Variants in TMED1 observed in about 807,000 individuals in gnomAD.
TMED1 encodes the protein transmembrane emp24 domain-containing protein 1.
TMED1 carries 20 observed loss-of-function variants against 21.2 expected under a neutral mutation model. The ratio of observed to expected loss-of-function variants is 0.95; its 90% CI spans 0.67 to 1.37. TMED1 has a LOEUF of 1.37. Ranked by LOEUF, TMED1 falls within the 40% of genes most tolerant of loss-of-function variation. TMED1 has a pLI of 0.00. For missense variants in TMED1, 316 were observed against 309.8 expected (o/e 1.02, Z -0.15); for synonymous variants, 149 against 134.7 (o/e 1.11, Z -0.74).
At chr19:10,833,647 A>G (rs1380645171) in intron 3 of TMED1, among the ~76,000 whole-genome samples, 2 of 152,170 alleles carry the variant, frequency 1.3e-5, no homozygotes, top group Non-Finnish European at 2.9e-5. Context: ...CCAGCTACTC[A>G]GGAGGCTGAA....
Position 10,834,918 on chromosome 19 carries a change from C to T in TMED1, c.465+16G>A, listed in dbSNP as rs144588450. 909 of 1,609,338 alleles carry T rather than the reference C, an allele frequency of 5.6e-4. 3 individuals are homozygous for T. Among genetic ancestry groups the T allele is most frequent in the Middle Eastern group, 1.3e-3 (8 of 6,050 alleles). ...AGAGATCTGGAAGGAGTGGCCCCAG[C>T]GCAGCCTGGACACACCTTGATGTCC... On this transcript the variant is annotated intron_variant, in intron 3 of 3. Coordinates refer to ENST00000214869, the MANE Select transcript of TMED1 (RefSeq NM_006858.4).
intron 1 of TMED1, 59 bp downstream of exon 1, chr19:10,835,949 AC>A: frequency 6.7e-7 from 1 of 1,498,428 alleles, no homozygotes; most frequent in Non-Finnish European, 8.9e-7. Flanking sequence ...CCTCGCCTCG[AC>A]CGCTTGGCCA....
intron 2 of TMED1, 23 bp downstream of exon 2, chr19:10,835,233 G>A: frequency 6.2e-7 from 1 of 1,613,982 alleles, no homozygotes; most frequent in Middle Eastern, 1.6e-4. Context: ...CTGAACCCAG[G>A]CAGGCATCAA....
At chr19:10,834,115 G>A (rs555009942) in intron 3 of TMED1, among the ~76,000 whole-genome samples, 3 of 152,290 alleles carry the variant, frequency 2.0e-5, no homozygotes, top group Admixed American at 6.5e-5. Flanking sequence ...AGCTGAGATC[G>A]TGCCACTGCA....
chr19:10,835,897 C>G, intron 1 of TMED1, 112 bp downstream of exon 1: 3 of 1,432,518 alleles, frequency 2.1e-6, no homozygotes, highest in Non-Finnish European at 1.8e-6. Context: ...TCCGCCCCCG[C>G]GCTCCCAAGC....
intron 3 of TMED1, 44 bp downstream of exon 3, chr19:10,834,890 C>T (rs746535787): frequency 3.1e-6 from 5 of 1,591,198 alleles, no homozygotes; most frequent in Non-Finnish European, 4.3e-6. Flanking sequence ...CCAGGTGAAT[C>T]CTAGAGATCT....
chr19:10,835,560 C>T, intron 1 of TMED1: 1 of 1,439,938 alleles, frequency 6.9e-7, no homozygotes, highest in Admixed American at 2.7e-5. Flanking sequence ...TCCATACTTT[C>T]AGCTGACCAC....
chr19:10,834,789 A>G (rs2073404946), intron 3 of TMED1, 145 bp downstream of exon 3: 1 of 1,022,124 alleles, frequency 9.8e-7, no homozygotes, highest in Admixed American at 2.3e-5. Context: ...CCTGAAATGA[A>G]CTACTTATTT....
At position 10,832,301 on chromosome 19, in the gene TMED1, C is replaced by T. The variant is rs942440810; in HGVS notation, c.*694G>A. The T allele has an allele frequency of 4.7e-6, 6 of 1,289,608 alleles. No individual in the cohort carries two copies. The highest frequency in any genetic ancestry group is 6.1e-6 in the Non-Finnish European group (6 of 988,850). 79.9% of individuals were successfully genotyped at this position (1,289,608 alleles called of 1,614,324 possible). On this transcript the variant is annotated 3_prime_UTR_variant, in exon 4 of 4. Transcript: ENST00000214869. Reference sequence around the variant, plus strand: ...TTGCTTTCTGATTTTTCTCTTGTGCCAGGCGACCACCTCCATCGGCTCCCG... The same window carrying T: ...TTGCTTTCTGATTTTTCTCTTGTGCTAGGCGACCACCTCCATCGGCTCCCG...
At chr19:10,834,875 G>C (rs1241786376) in intron 3 of TMED1, 59 bp downstream of exon 3, 16 of 1,567,882 alleles carry the variant, frequency 1.0e-5, no homozygotes, top group Non-Finnish European at 1.4e-5. Context: ...CCCAAGGGGG[G>C]CACCCCAGGT....
chr19:10,835,133 CACAGACAT>C lies in TMED1; in HGVS notation c.282-24_282-17del, dbSNP rs2073411343. On this transcript the variant is annotated splice_polypyrimidine_tract_variant and intron_variant, in intron 2 of 3. Transcript: ENST00000214869. ...TGGCTCCACCCTGGGCAGACAGACA[CACAGACAT>C]GACCCAGGGTGGCCAGCCAGCCGAC... The C allele has an allele frequency of 1.2e-6, 2 of 1,611,344 alleles. No individual in the cohort carries two copies. Among genetic ancestry groups the C allele is most frequent in the South Asian group, 2.2e-5 (2 of 90,888 alleles).
intron 3 of TMED1, among the ~76,000 whole-genome samples, chr19:10,834,073 T>C (rs1263033095): frequency 1.3e-5 from 2 of 152,296 alleles, no homozygotes; most frequent in South Asian, 2.1e-4. Flanking sequence ...GGCAGGAGAA[T>C]TGGCTGAACC....
chr19:10,832,816 C>T lies in TMED1; in HGVS notation c.*179G>A. 7.3e-6 allele frequency: 5 copies of T among 681,234 alleles called. No homozygotes were observed. The highest frequency in any genetic ancestry group is 3.8e-5 in the South Asian group (2 of 52,968). The allele number at this position is 681,234 out of a possible 1,614,324, so 42.2% of individuals were successfully genotyped here. On this transcript the variant is annotated 3_prime_UTR_variant, in exon 4 of 4. Transcript: ENST00000214869. ...TGCAGCCACTGAGCCGTCCCTTCTA[C>T]AAGCCAGAGGTGTTCCCTGCCCGCT...
rs1049968955 is a variant in TMED1, at chr19:10,836,028, C to T, written c.164G>A (p.Ser55Asn). 1.3e-6 allele frequency: 2 copies of T among 1,595,356 alleles called. No individual in the cohort carries two copies. The highest frequency in any genetic ancestry group is 8.5e-7 in the Non-Finnish European group (1 of 1,171,608). Residue 55 changes from serine to asparagine, a missense_variant, in exon 1 of 4, where the codon AGC becomes AAC. Physicochemically the swap from Ser to Asn is conservative, Grantham distance 46. Transcript: ENST00000214869. Reference sequence around the variant, plus strand: ...CTCTACCTGGTATTCGGTCTCGAGGCTTGCGTTGGCCGGCGCGGACTGGTA... The same window carrying T: ...CTCTACCTGGTATTCGGTCTCGAGGTTTGCGTTGGCCGGCGCGGACTGGTA... The part of the protein sequence containing the change: ...CFYQSAPANA[S>N]LETEYQVIGG...
In TMED1 at chr19:10,832,348, C is replaced by A; in HGVS notation, c.*647G>T. The A allele has an allele frequency of 7.8e-7, 1 of 1,289,906 alleles. No individual in the cohort carries two copies. Among genetic ancestry groups the A allele is most frequent in the South Asian group, 1.2e-5 (1 of 81,038 alleles). 79.9% of individuals were successfully genotyped at this position (1,289,906 alleles called of 1,614,324 possible). Reference sequence around the variant, plus strand: ...CCCGCACGACCTTTCTTCTGAGCTTCGTGGGAGGCCCCTCCCACCTGTCTG... The same window carrying A: ...CCCGCACGACCTTTCTTCTGAGCTTAGTGGGAGGCCCCTCCCACCTGTCTG... On this transcript the variant is annotated 3_prime_UTR_variant, in exon 4 of 4. Transcript: ENST00000214869.
Position 10,832,349 on chromosome 19 carries a change from G to C in TMED1, c.*646C>G, listed in dbSNP as rs539501846. 7.8e-7 allele frequency: 1 copy of C among 1,289,752 alleles called. No individual in the cohort carries two copies. The highest frequency in any genetic ancestry group is 1.0e-6 in the Non-Finnish European group (1 of 988,930). 79.9% of individuals were successfully genotyped at this position (1,289,752 alleles called of 1,614,324 possible). A position where few individuals can be genotyped will look rare whatever the true frequency, so the allele number is the denominator to read the frequency against. On this transcript the variant is annotated 3_prime_UTR_variant, in exon 4 of 4. Coordinates refer to ENST00000214869, the MANE Select transcript of TMED1 (RefSeq NM_006858.4). Reference sequence around the variant, plus strand: ...CCGCACGACCTTTCTTCTGAGCTTCGTGGGAGGCCCCTCCCACCTGTCTGG... The same window carrying C: ...CCGCACGACCTTTCTTCTGAGCTTCCTGGGAGGCCCCTCCCACCTGTCTGG...
rs965455031 is a variant in TMED1, at chr19:10,832,813, C to A, written c.*182G>T. The A allele has an allele frequency of 5.9e-6, 4 of 674,284 alleles. No homozygotes were observed. The highest frequency in any genetic ancestry group is 7.5e-6 in the Non-Finnish European group (3 of 401,428). 41.8% of individuals were successfully genotyped at this position (674,284 alleles called of 1,614,324 possible). A position where few individuals can be genotyped will look rare whatever the true frequency, so the allele number is the denominator to read the frequency against. On this transcript the variant is annotated 3_prime_UTR_variant, in exon 4 of 4. Transcript: ENST00000214869. The stretch of plus-strand genomic sequence containing the variant: ...CGGTGCAGCCACTGAGCCGTCCCTT[C>A]TACAAGCCAGAGGTGTTCCCTGCCC...
In TMED1 at chr19:10,833,184, C is replaced by T. The variant is rs140257821; in HGVS notation, c.495G>A (p.Leu165=). The T allele has an allele frequency of 2.3e-5, 37 of 1,613,636 alleles. No individual in the cohort carries two copies. In the African/African-American group the frequency reaches 4.3e-4, roughly 19 times the overall value. The change falls in exon 4 of 4, where the codon CTG becomes CTA. Residue 165 remains leucine (L), a synonymous_variant. Coordinates refer to ENST00000214869, the MANE Select transcript of TMED1 (RefSeq NM_006858.4). ...KESIETMRTR[L]ERSIQMLTLL... is the part of the protein sequence containing the mutation. ...GCGTGAGCATCTGGATGCTGCGCTC[C>T]AGCCGGGTCCGCATGGTCTCAATGG...
At chr19:10,833,256 C>A in intron 3 of TMED1, 43 bp from the exon 4 acceptor site, 1 of 1,545,430 alleles carries the variant, frequency 6.5e-7, no homozygotes, top group South Asian at 1.2e-5. Flanking sequence ...TCCCTCCACC[C>A]ATCAGGGAGC....
Sources: gnomAD v4.1 joint callset for allele counts (sites outside exome capture counted in the v4.1 genomes callset) on GRCh38, gnomAD v4.1.1 for gene constraint, MANE v1.5 for transcripts, NCBI Gene and HGNC (gene_info 2026-07-23, HGNC 2026-07-21) for gene names.